Variants in NAA80 observed in about 807,000 individuals in gnomAD.
NAA80 encodes N-alpha-acetyltransferase 80, NatH catalytic subunit.
Under a neutral mutation model 8.7 loss-of-function variants are expected in NAA80, and 5 were observed. The ratio of observed to expected loss-of-function variants is 0.58; its 90% CI spans 0.30 to 1.21. The LOEUF (loss-of-function observed/expected upper bound fraction) is 1.21, where lower values mean the gene tolerates loss of function less well. NAA80 is among the 50% of genes most tolerant of loss of function. NAA80 has a pLI of 0.07. For synonymous variants in NAA80, 149 were observed against 156.6 expected, an observed-to-expected ratio of 0.95 and a Z score of 0.36; for missense variants, 360 against 368.6, an observed-to-expected ratio of 0.98 and a Z score of 0.19.
In NAA80 at chr3:50,296,946, T is replaced by C; in HGVS notation, c.518A>G (p.His173Arg). 1 of 1,606,000 alleles carries C rather than the reference T, an allele frequency of 6.2e-7. No individual in the cohort carries two copies. Among genetic ancestry groups the C allele is most frequent in the South Asian group, 1.1e-5 (1 of 90,192 alleles). ...GTGCACCTGGTCATGGGTGGTGAGA[T>C]GCAGCTTGCGGAAGCCCCGGGCCCG... Reference protein sequence around the residue: ...FARARGFRKLHLTTHDQVHFY... With the variant: ...FARARGFRKLRLTTHDQVHFY... Residue 173 changes from histidine to arginine, a missense_variant, in exon 2 of 2, where the codon CAT becomes CGT. Transcript: ENST00000443094.
intron 1 of NAA80, chr3:50,298,810 A>C: frequency 8.7e-7 from 1 of 1,149,652 alleles, no homozygotes; most frequent in South Asian, 2.1e-5. Context: ...ACAGGGCTGT[A>C]AGCCCCTCAC....
In NAA80 at chr3:50,297,446, A is replaced by G; in HGVS notation, c.18T>C (p.Ser6=). MELIL[S]TSPAELTLDP... is the part of the protein sequence containing the mutation. Reference sequence around the variant, plus strand: ...CCAGAGTCAGCTCAGCTGGGCTGGTACTCAGGATCAGCTCCATCCGGTGTG... The same window carrying G: ...CCAGAGTCAGCTCAGCTGGGCTGGTGCTCAGGATCAGCTCCATCCGGTGTG... The change falls in exon 2 of 2, where the codon AGT becomes AGC. Residue 6 remains serine, a synonymous_variant. Transcript: ENST00000443094. This position sits in a 1 kb window ranked among gnomAD's most constrained non-coding sequence, Gnocchi z 4.3. 6.2e-7 allele frequency: 1 copy of G among 1,608,300 alleles called. No homozygotes were observed. The highest frequency in any genetic ancestry group is 1.1e-5 in the South Asian group (1 of 90,044).
At position 50,296,966 on chromosome 3, in the gene NAA80, G is replaced by C; in HGVS notation, c.498C>G (p.Ala166=). Residue 166 remains alanine (A), a synonymous_variant, in exon 2 of 2, where the codon GCC becomes GCG. Transcript: ENST00000443094. The stretch of plus-strand genomic sequence containing the variant: ...TGAGATGCAGCTTGCGGAAGCCCCG[G>C]GCCCGAGCAAAGACCTCCAGGCCCT... ...LMEGLEVFAR[A]RGFRKLHLTT... is the part of the protein sequence containing the mutation. The C allele has an allele frequency of 6.3e-7, 1 of 1,595,022 alleles. No individual in the cohort carries two copies. Among genetic ancestry groups the C allele is most frequent in the East Asian group, 2.2e-5 (1 of 44,818 alleles).
Position 50,296,870 on chromosome 3 carries a change from G to A in NAA80, c.594C>T (p.Val198=). The change falls in exon 2 of 2, where the codon GTC becomes GTT. Residue 198 remains valine (V), a synonymous_variant. Coordinates refer to ENST00000443094, the MANE Select transcript of NAA80 (RefSeq NM_001200016.2). The stretch of plus-strand genomic sequence containing the variant: ...TGGCAGGCAGCCGTCTGCTGGTGAA[G>A]ACCAGGCCCTGCACAGGCTCACCCA... ...YQLGEPVQGL[V]FTSRRLPATL... 1 of 1,600,846 alleles carries A rather than the reference G, an allele frequency of 6.2e-7. No individual in the cohort carries two copies. Among genetic ancestry groups the A allele is most frequent in the Non-Finnish European group, 8.5e-7 (1 of 1,174,538 alleles).
At position 50,299,318 on chromosome 3, in the gene NAA80, G is replaced by C; in HGVS notation, c.-315C>G. ...CTCGGTCCGACAACGTTGGCCCCCAGCGGTGCGGCGGATGTTCTGCAGCCG... is the reference window on the plus strand; with the variant it reads ...CTCGGTCCGACAACGTTGGCCCCCACCGGTGCGGCGGATGTTCTGCAGCCG... On this transcript the variant is annotated 5_prime_UTR_variant, in exon 1 of 2. Coordinates refer to ENST00000443094, the MANE Select transcript of NAA80 (RefSeq NM_001200016.2). 6.2e-7 allele frequency: 1 copy of C among 1,602,596 alleles called. No individual in the cohort carries two copies. The highest frequency in any genetic ancestry group is 1.1e-5 in the South Asian group (1 of 90,418).
chr3:50,297,717 G>A lies in NAA80; in HGVS notation c.-209-45C>T, dbSNP rs1701910814. On this transcript the variant is annotated intron_variant, in intron 1 of 1. Coordinates refer to ENST00000443094, the MANE Select transcript of NAA80 (RefSeq NM_001200016.2). This position sits in a 1 kb window ranked among gnomAD's most constrained non-coding sequence, Gnocchi z 4.3. Reference sequence around the variant, plus strand: ...TGGGCTGTGCCAGGAGGGAGGGTGGGGTTGGAGCAGGGAAGGGCTGACAGA... The same window carrying A: ...TGGGCTGTGCCAGGAGGGAGGGTGGAGTTGGAGCAGGGAAGGGCTGACAGA... The A allele has an allele frequency of 2.9e-6, 4 of 1,363,174 alleles. No individual in the cohort carries two copies. Among genetic ancestry groups the A allele is most frequent in the Non-Finnish European group, 3.8e-6 (4 of 1,062,730 alleles). The allele number at this position is 1,363,174 out of a possible 1,614,324, so 84.4% of individuals were successfully genotyped here.
At position 50,299,251 on chromosome 3, in the gene NAA80, T is replaced by C; in HGVS notation, c.-248A>G. 6.2e-7 allele frequency: 1 copy of C among 1,614,018 alleles called. No individual in the cohort carries two copies. Among genetic ancestry groups the C allele is most frequent in the Non-Finnish European group, 8.5e-7 (1 of 1,179,998 alleles). The stretch of plus-strand genomic sequence containing the variant: ...CCTCTGGGATGTTCCGCGTCCTAGC[T>C]CCGCACAGCTGGGTATCTCACTCAG... On this transcript the variant is annotated 5_prime_UTR_variant, in exon 1 of 2. Transcript: ENST00000443094.
intron 1 of NAA80, chr3:50,298,814 C>A (rs782012680): frequency 3.4e-6 from 4 of 1,169,588 alleles, no homozygotes; most frequent in Non-Finnish European, 4.3e-6. Context: ...GGCTGTAAGC[C>A]CCTCACCTGC....
chr3:50,297,760 C>G lies in NAA80; in HGVS notation c.-209-88G>C. The G allele has an allele frequency of 7.8e-7, 1 of 1,276,350 alleles. No homozygotes were observed. Among genetic ancestry groups the G allele is most frequent in the East Asian group, 3.3e-5 (1 of 30,706 alleles). 79.1% of individuals were successfully genotyped at this position (1,276,350 alleles called of 1,614,324 possible). ...CTGACAGAGTGCAGGGGGGACCATG[C>G]ATACTGGAACTGGGGAGTGGTGGGC... On this transcript the variant is annotated intron_variant, in intron 1 of 1. Transcript: ENST00000443094. This position sits in a 1 kb window ranked among gnomAD's most constrained non-coding sequence, Gnocchi z 4.3.
Position 50,297,101 on chromosome 3 carries a change from C to T in NAA80, c.363G>A (p.Val121=). ...HPTLEAAPVV[V]GHARLSRVLN... Reference sequence around the variant, plus strand: ...GCACCCGTGACAGGCGGGCATGGCCCACCACAACGGGTGCTGCTTCAAGTG... The same window carrying T: ...GCACCCGTGACAGGCGGGCATGGCCTACCACAACGGGTGCTGCTTCAAGTG... The change falls in exon 2 of 2, where the codon GTG becomes GTA. Residue 121 remains valine (V), a synonymous_variant. Transcript: ENST00000443094. This position sits in a 1 kb window ranked among gnomAD's most constrained non-coding sequence, Gnocchi z 4.3. 1 of 1,550,064 alleles carries T rather than the reference C, an allele frequency of 6.5e-7. No homozygotes were observed. Among genetic ancestry groups the T allele is most frequent in the Non-Finnish European group, 8.7e-7 (1 of 1,147,052 alleles).
Position 50,297,936 on chromosome 3 carries a change from G to C in NAA80, c.-209-264C>G. 2 of 991,088 alleles carry C rather than the reference G, an allele frequency of 2.0e-6. No individual in the cohort carries two copies. Among genetic ancestry groups the C allele is most frequent in the Non-Finnish European group, 2.4e-6 (2 of 834,100 alleles). 61.4% of individuals were successfully genotyped at this position (991,088 alleles called of 1,614,324 possible). A position where few individuals can be genotyped will look rare whatever the true frequency, so the allele number is the denominator to read the frequency against. ...CTGCTTAAGGCTGGGGCAGAACCTA[G>C]GAGTCCTGGCCCCAGCCTGCTCTGG... On this transcript the variant is annotated intron_variant, in intron 1 of 1. Coordinates refer to ENST00000443094, the MANE Select transcript of NAA80 (RefSeq NM_001200016.2). The surrounding 1 kb of genome is among the most constrained non-coding windows in gnomAD (Gnocchi z 4.3).
rs1421402103 is a variant in NAA80, at chr3:50,298,893, G to A, written c.-210+320C>T. 4.5e-5 allele frequency: 60 copies of A among 1,340,754 alleles called. No homozygotes were observed. The Admixed American group carries it at 1.8e-3, about 41-fold the overall frequency. 83.1% of individuals were successfully genotyped at this position (1,340,754 alleles called of 1,614,324 possible). ...GGAAGCCCCAGGATCCGCCCCTAGG[G>A]CTGAGCCCGGGGCTTCCCCGCGGCC... On this transcript the variant is annotated intron_variant, in intron 1 of 1. Coordinates refer to ENST00000443094, the MANE Select transcript of NAA80 (RefSeq NM_001200016.2).
chr3:50,298,547 C>T (rs988931271), intron 1 of NAA80, among the ~76,000 whole-genome samples: 2 of 151,530 alleles, frequency 1.3e-5, no homozygotes, highest in African/African-American at 4.9e-5. Context: ...CACAGGGTGT[C>T]CAACGGTCAC....
chr3:50,298,495 C>T (rs1469049550), intron 1 of NAA80, among the ~76,000 whole-genome samples: 1 of 151,312 alleles, frequency 6.6e-6, no homozygotes, highest in Admixed American at 6.6e-5. Context: ...GCTTGAGTTT[C>T]GCAGGCACCC....
intron 1 of NAA80, chr3:50,298,744 CA>C (rs1340350537): frequency 5.9e-6 from 6 of 1,018,654 alleles, no homozygotes; most frequent in Admixed American, 5.3e-5. Flanking sequence ...AGCTTGAGGC[CA>C]ATTAAACACT....
chr3:50,298,866 G>A (rs1384289180), intron 1 of NAA80: 4 of 1,287,262 alleles, frequency 3.1e-6, no homozygotes, highest in Middle Eastern at 3.1e-4. Flanking sequence ...GGTCTAGAGG[G>A]AGGAAGCCCC....
At chr3:50,298,752 C>G in intron 1 of NAA80, 1 of 1,035,242 alleles carries the variant, frequency 9.7e-7, no homozygotes, top group Non-Finnish European at 1.2e-6. Flanking sequence ...GCCAATTAAA[C>G]ACTGGTCAGT....
At position 50,296,660 on chromosome 3, in the gene NAA80, C is replaced by T. The variant is rs782820007; in HGVS notation, c.804G>A (p.Glu268=). 6.2e-7 allele frequency: 1 copy of T among 1,613,968 alleles called. No individual in the cohort carries two copies. The highest frequency in any genetic ancestry group is 8.5e-7 in the Non-Finnish European group (1 of 1,179,984). ...PSGPPSKSLL[E]TQYQNVRGRP... is the part of the protein sequence containing the mutation. ...GCCCCCTCACATTTTGATATTGTGTCTCCAGCAGGCTTTTTGAAGGGGGCC... is the reference window on the plus strand; with the variant it reads ...GCCCCCTCACATTTTGATATTGTGTTTCCAGCAGGCTTTTTGAAGGGGGCC... Residue 268 remains glutamate, a synonymous_variant, in exon 2 of 2, where the codon GAG becomes GAA. Transcript: ENST00000443094.
rs1407686299 is a variant in NAA80 at position 50,296,499 on chromosome 3, GC to G, written c.*103del. On this transcript the variant is annotated 3_prime_UTR_variant, in exon 2 of 2. Transcript: ENST00000443094. ...CAGGAAACATGCCCAGGTTAAAGCTGCCCCCCAGGGGCTAGGGGCTGAGGTA... is the reference window on the plus strand; with the variant it reads ...CAGGAAACATGCCCAGGTTAAAGCTGCCCCCAGGGGCTAGGGGCTGAGGTA... 44 of 1,342,900 alleles carry G rather than the reference GC, an allele frequency of 3.3e-5. No homozygotes were observed. In the East Asian group the frequency reaches 1.0e-3, roughly 32 times the overall value. 83.2% of individuals were successfully genotyped at this position (1,342,900 alleles called of 1,614,324 possible). A position where few individuals can be genotyped will look rare whatever the true frequency, so the allele number is the denominator to read the frequency against.
Sources: gnomAD v4.1 joint callset for allele counts (sites outside exome capture counted in the v4.1 genomes callset) on GRCh38, gnomAD v4.1.1 for gene constraint, Gnocchi (gnomAD v3.1) non-coding constraint, MANE v1.5 for transcripts, NCBI Gene and HGNC (gene_info 2026-07-23, HGNC 2026-07-21) for gene names.